RAB3GAP2: variants seen among roughly 807,000 people sequenced by gnomAD.
RAB3GAP2 encodes the protein RAB3 GTPase activating non-catalytic protein subunit 2.
In RAB3GAP2, 87 loss-of-function variants were observed where a neutral mutation model predicts 185.3. That is an observed-to-expected ratio of 0.47 (90% CI 0.39 to 0.56). The LOEUF (loss-of-function observed/expected upper bound fraction) is 0.56. RAB3GAP2 is among the 20% of genes least tolerant of loss of function. The pLI, the probability that RAB3GAP2 is intolerant of heterozygous loss-of-function variation, is 0.00. For missense variants in RAB3GAP2, 1,492 were observed against 1,638.2 expected (o/e 0.91, Z 1.54); for synonymous variants, 554 against 576.1 (o/e 0.96, Z 0.55).
intron 21 of RAB3GAP2, among the ~76,000 whole-genome samples, chr1:220,177,589 G>A (rs1363714199): frequency 6.6e-6 from 1 of 151,908 alleles, no homozygotes; most frequent in Non-Finnish European, 1.5e-5. Flanking sequence ...ATTTATCAGA[G>A]AAATTTTTAA....
chr1:220,200,682 C>T (rs768561806), intron 9 of RAB3GAP2: 3 of 506,504 alleles, frequency 5.9e-6, no homozygotes, highest in South Asian at 1.5e-5. Context: ...TGGAATTTTG[C>T]AGCATTTTTA....
At position 220,217,664 on chromosome 1, in the gene RAB3GAP2, T is replaced by C. The variant is rs75387259; in HGVS notation, c.181-3685A>G. Reference sequence around the variant, plus strand: ...TCCACTAATAGAATATAGGAGTAAATAACAGCATTCCCTATCTCTTAAATA... The same window carrying C: ...TCCACTAATAGAATATAGGAGTAAACAACAGCATTCCCTATCTCTTAAATA... On this transcript the variant is annotated intron_variant, in intron 2 of 34. Transcript: ENST00000358951. 2.1e-3 allele frequency among the ~76,000 whole-genome samples: 327 copies of C among 152,292 alleles called. 7 individuals carry two copies. In the East Asian group the frequency reaches 0.047, roughly 22 times the overall value.
intron 2 of RAB3GAP2, among the ~76,000 whole-genome samples, chr1:220,216,182 T>C (rs797002544): frequency 1.3e-5 from 2 of 152,238 alleles, no homozygotes; most frequent in African/African-American, 2.4e-5. Flanking sequence ...GATTTGGAAC[T>C]TTTTTCTCAA....
chr1:220,157,408 G>A lies in RAB3GAP2; in HGVS notation c.3417C>T (p.Ser1139=). ...DAWLSVEGPI[S]IVELALEQKH... ...TCTGTTCAAGGGCCAGTTCCACTAT[G>A]GAGATTGGTCCTTCCACGGAGAGCC... Residue 1139 remains serine (S), a synonymous_variant, in exon 31 of 35, where the codon TCC becomes TCT. Coordinates refer to ENST00000358951, the MANE Select transcript of RAB3GAP2 (RefSeq NM_012414.4). 1 of 1,613,956 alleles carries A rather than the reference G, an allele frequency of 6.2e-7. No individual in the cohort carries two copies. The highest frequency in any genetic ancestry group is 8.5e-7 in the Non-Finnish European group (1 of 1,180,002).
At chr1:220,265,173 A>G (rs1660208063) in intron 1 of RAB3GAP2, among the ~76,000 whole-genome samples, 1 of 152,098 alleles carries the variant, frequency 6.6e-6, no homozygotes, top group Non-Finnish European at 1.5e-5. Flanking sequence ...AAAATATTTT[A>G]CTACATATAA....
intron 1 of RAB3GAP2, among the ~76,000 whole-genome samples, chr1:220,257,898 T>G (rs919050322): frequency 6.6e-6 from 1 of 152,106 alleles, no homozygotes; most frequent in Admixed American, 6.5e-5. Flanking sequence ...AAGGGGAATA[T>G]CACCACTGAC....
chr1:220,175,849 T>A (rs1035508372), intron 21 of RAB3GAP2, among the ~76,000 whole-genome samples: 1 of 152,248 alleles, frequency 6.6e-6, no homozygotes, highest in Non-Finnish European at 1.5e-5. Context: ...TCTCTGTTTA[T>A]AACCTAGAGT....
At chr1:220,229,218 A>C (rs1474292769) in intron 2 of RAB3GAP2, among the ~76,000 whole-genome samples, 1 of 152,230 alleles carries the variant, frequency 6.6e-6, no homozygotes, top group Non-Finnish European at 1.5e-5. Flanking sequence ...CACGACCCTC[A>C]TGAGTATGAG....
intron 1 of RAB3GAP2, chr1:220,254,167 T>C (rs928294310): frequency 6.2e-7 from 1 of 1,613,640 alleles, no homozygotes; most frequent in South Asian, 1.1e-5. Context: ...TTATGCAAAT[T>C]ACAAGAAATC....
chr1:220,196,067 T>C lies in RAB3GAP2; in HGVS notation c.960+183A>G, dbSNP rs531859014. 272 of 675,250 alleles carry C rather than the reference T, an allele frequency of 4.0e-4. 1 individual carries two copies. The African/African-American group carries it at 4.7e-3, about 12-fold the overall frequency. The allele number at this position is 675,250 out of a possible 1,614,324, so 41.8% of individuals were successfully genotyped here. On this transcript the variant is annotated intron_variant, in intron 10 of 34. Transcript: ENST00000358951. ...GAATTTCCTTTTATACTGATGGTAG[T>C]ACCTTTTCAGTTAATCTAAAGAATT...
At chr1:220,245,504 C>T (rs965210268) in intron 1 of RAB3GAP2, among the ~76,000 whole-genome samples, 2 of 152,224 alleles carry the variant, frequency 1.3e-5, no homozygotes, top group African/African-American at 4.8e-5. Context: ...CCACACCTGG[C>T]TCGGAGGGTC....
At chr1:220,178,519 G>A (rs2102863081) in intron 21 of RAB3GAP2, among the ~76,000 whole-genome samples, 1 of 152,174 alleles carries the variant, frequency 6.6e-6, no homozygotes, top group Middle Eastern at 3.4e-3. Context: ...ATGCGTATAG[G>A]TTTTCTTTTT....
intron 3 of RAB3GAP2, among the ~76,000 whole-genome samples, chr1:220,213,615 T>A (rs1263884361): frequency 6.8e-6 from 1 of 147,946 alleles, no homozygotes; most frequent in African/African-American, 2.5e-5. Flanking sequence ...TGAGGTACCA[T>A]ATGGAGAGCA....
chr1:220,270,806 T>C (rs1359803997), intron 1 of RAB3GAP2, among the ~76,000 whole-genome samples: 1 of 152,196 alleles, frequency 6.6e-6, no homozygotes, highest in Non-Finnish European at 1.5e-5. Context: ...TAAGTACAAA[T>C]CTGACAATGT....
intron 1 of RAB3GAP2, among the ~76,000 whole-genome samples, chr1:220,236,635 C>A (rs747095171): frequency 4.2e-4 from 63 of 151,100 alleles, no homozygotes; most frequent in Non-Finnish European, 4.3e-4. Flanking sequence ...TTATTTCTTA[C>A]GCCTTCAGGT....
At chr1:220,163,270 C>T (rs1167050494) in intron 27 of RAB3GAP2, among the ~76,000 whole-genome samples, 3 of 152,006 alleles carry the variant, frequency 2.0e-5, no homozygotes, top group African/African-American at 7.3e-5. Context: ...CCATCACAGG[C>T]TATGAGAAGC....
intron 27 of RAB3GAP2, among the ~76,000 whole-genome samples, chr1:220,164,289 T>A (rs951687033): frequency 6.6e-6 from 1 of 152,042 alleles, no homozygotes; most frequent in Non-Finnish European, 1.5e-5. Context: ...CTATCATTGA[T>A]TCCCTCTTTC....
chr1:220,250,318 T>C (rs1050298372), intron 1 of RAB3GAP2, among the ~76,000 whole-genome samples: 8 of 152,216 alleles, frequency 5.3e-5, no homozygotes, highest in African/African-American at 9.6e-5. Flanking sequence ...CCATTGAGTT[T>C]TGGACTTACA....
At position 220,150,734 on chromosome 1, in the gene RAB3GAP2, G is replaced by A. The variant is rs1657735443; in HGVS notation, c.*517C>T. The stretch of plus-strand genomic sequence containing the variant: ...GGCAACAGCAGAACCTCTGGGAAAG[G>A]AACCTTTCGGTATCCAGAACTCCCA... On this transcript the variant is annotated 3_prime_UTR_variant, in exon 35 of 35. Coordinates refer to ENST00000358951, the MANE Select transcript of RAB3GAP2 (RefSeq NM_012414.4). 1 of 156,472 alleles carries A rather than the reference G, an allele frequency of 6.4e-6. No homozygotes were observed. Among genetic ancestry groups the A allele is most frequent in the African/African-American group, 2.4e-5 (1 of 41,422 alleles). The allele number at this position is 156,472 out of a possible 1,614,324, so 9.7% of individuals were successfully genotyped here.
Sources: allele counts gnomAD v4.1 joint callset (sites outside exome capture counted in the v4.1 genomes callset), GRCh38; gene constraint gnomAD v4.1.1; transcripts MANE v1.5; gene names NCBI Gene and HGNC (gene_info 2026-07-23, HGNC 2026-07-21).